Variants in TMIGD3 observed in about 807,000 individuals in gnomAD.
TMIGD3 encodes AD026 protein (AD026).
A neutral mutation model predicts 28.1 loss-of-function variants in TMIGD3; 21 were observed. That is an observed-to-expected ratio of 0.75 (90% CI 0.53 to 1.08). The LOEUF is 1.08. TMIGD3 is among the 50% of genes least tolerant of loss of function. TMIGD3 has a pLI of 0.00. For missense variants in TMIGD3, 416 were observed against 435.6 expected (o/e 0.96, Z 0.40); for synonymous variants, 151 against 162.1 (o/e 0.93, Z 0.52).
chr1:111,500,112 G>A (rs758461041), intron 1 of TMIGD3: 3 of 1,614,142 alleles, frequency 1.9e-6, no homozygotes, highest in Non-Finnish European at 2.5e-6. Context: ...GGATGCCCAT[G>A]TACAGCACAA....
chr1:111,486,384 C>G (rs183360440), intron 4 of TMIGD3, among the ~76,000 whole-genome samples: 13 of 150,112 alleles, frequency 8.7e-5, no homozygotes, highest in African/African-American at 3.2e-4. Context: ...CTGCTTGCAA[C>G]CAAGAGTCCT....
chr1:111,542,851 C>T (rs937044426), intron 1 of TMIGD3, among the ~76,000 whole-genome samples: 1 of 152,052 alleles, frequency 6.6e-6, no homozygotes, highest in Non-Finnish European at 1.5e-5. Context: ...CATGAACCAC[C>T]ATGGCTGGCT....
rs529260800 is a variant in TMIGD3, at chr1:111,531,284, GA to G, written c.107+32561del. On this transcript the variant is annotated intron_variant, in intron 1 of 5. Coordinates refer to the TMIGD3 transcript ENST00000369717. ...CAGAGCAACACCTGTCTCCAGAAAAGAAAAAAAAAAAAACCCAAAACATTAT... is the reference window on the plus strand; with the variant it reads ...CAGAGCAACACCTGTCTCCAGAAAAGAAAAAAAAAAAACCCAAAACATTAT... 4.7e-3 allele frequency among the ~76,000 whole-genome samples: 613 copies of G among 130,058 alleles called. 2 individuals carry two copies. The highest frequency in any genetic ancestry group is 0.013 in the African/African-American group (451 of 35,380). The allele number at this position is 130,058 out of a possible 152,430, so 85.3% of individuals were successfully genotyped here.
chr1:111,503,771 A>G (rs1557825852), upstream of TMIGD3: 10 of 1,021,760 alleles, frequency 9.8e-6, no homozygotes, highest in Non-Finnish European at 1.2e-5. Flanking sequence ...ATGGGCCAAG[A>G]GGAAGTACAG....
intron 1 of TMIGD3, among the ~76,000 whole-genome samples, chr1:111,527,410 T>G (rs1656305192): frequency 6.6e-6 from 1 of 152,270 alleles, no homozygotes; most frequent in Non-Finnish European, 1.5e-5. Flanking sequence ...ATTCACCTAC[T>G]GTAAAACATC....
chr1:111,484,792 G>T (rs992119803), intron 5 of TMIGD3, among the ~76,000 whole-genome samples: 2 of 152,236 alleles, frequency 1.3e-5, no homozygotes, highest in Non-Finnish European at 2.9e-5. Context: ...AAGGGAGGTT[G>T]CAGTCTGTTT....
intron 1 of TMIGD3, among the ~76,000 whole-genome samples, chr1:111,524,028 C>CTT (rs35046603): frequency 5.7e-4 from 62 of 108,800 alleles, no homozygotes; most frequent in African/African-American, 1.9e-3. Flanking sequence ...TCTTTCTTTT[C>CTT]TTTTTTTTTT....
chr1:111,510,099 G>A (rs1655640258), intron 1 of TMIGD3, among the ~76,000 whole-genome samples: 1 of 152,190 alleles, frequency 6.6e-6, no homozygotes, highest in African/African-American at 2.4e-5. Context: ...GCCAGATATT[G>A]AAGGCTGTGC....
At chr1:111,497,657 A>C (rs532013095) in intron 1 of TMIGD3, among the ~76,000 whole-genome samples, 1 of 152,044 alleles carries the variant, frequency 6.6e-6, no homozygotes, top group Non-Finnish European at 1.5e-5. Context: ...AAAAGAAAAA[A>C]AGAGAGAGAG....
chr1:111,502,492 A>G (rs1655291565), intron 1 of TMIGD3, among the ~76,000 whole-genome samples: 1 of 141,208 alleles, frequency 7.1e-6, no homozygotes, highest in African/African-American at 2.6e-5. Context: ...ATATATATAT[A>G]TTGGAATATA....
intron 1 of TMIGD3, among the ~76,000 whole-genome samples, chr1:111,517,212 G>A (rs1479834607): frequency 6.6e-6 from 1 of 152,184 alleles, no homozygotes; most frequent in African/African-American, 2.4e-5. Context: ...TGGAGAGACT[G>A]AGTCCATATC....
At chr1:111,543,712 GGGAGGAGAAAGA>G (rs1656932744) in intron 1 of TMIGD3, among the ~76,000 whole-genome samples, 1 of 151,770 alleles carries the variant, frequency 6.6e-6, no homozygotes, top group South Asian at 2.1e-4. Flanking sequence ...GGAGAAGAGA[GGGAGGAGAAAGA>G]GGAGGAGGAA....
chr1:111,535,928 G>A (rs1656625167), intron 1 of TMIGD3, among the ~76,000 whole-genome samples: 1 of 152,190 alleles, frequency 6.6e-6, no homozygotes, highest in South Asian at 2.1e-4. Context: ...TTTCCTGCAA[G>A]CATATTTGAA....
At chr1:111,494,021 A>G (rs1395582438) in intron 1 of TMIGD3, among the ~76,000 whole-genome samples, 1 of 152,238 alleles carries the variant, frequency 6.6e-6, no homozygotes, top group East Asian at 1.9e-4. Context: ...CAAGTGGACT[A>G]TGGCCACACC....
intron 1 of TMIGD3, among the ~76,000 whole-genome samples, chr1:111,508,832 C>T (rs988357849): frequency 1.3e-5 from 2 of 152,220 alleles, no homozygotes; most frequent in Admixed American, 6.5e-5. Flanking sequence ...CGCGGTGGCT[C>T]ATGCCTGTAA....
At chr1:111,497,419 C>T (rs917904063) in intron 1 of TMIGD3, among the ~76,000 whole-genome samples, 1 of 152,186 alleles carries the variant, frequency 6.6e-6, no homozygotes, top group South Asian at 2.1e-4. Flanking sequence ...TCCTGTAACA[C>T]TAATCTCTAA....
At chr1:111,496,461 A>C (rs145795810) in intron 1 of TMIGD3, among the ~76,000 whole-genome samples, 2 of 152,238 alleles carry the variant, frequency 1.3e-5, no homozygotes, top group Non-Finnish European at 2.9e-5. Context: ...GGATTCCTAC[A>C]TAAAGCAAAC....
upstream of TMIGD3, among the ~76,000 whole-genome samples, chr1:111,506,666 G>C (rs904816288): frequency 3.3e-5 from 5 of 152,206 alleles, no homozygotes; most frequent in African/African-American, 1.2e-4. Flanking sequence ...AAAATCAGTA[G>C]AGATCAGTAT....
chr1:111,497,172 A>G (rs1432122237), intron 1 of TMIGD3, among the ~76,000 whole-genome samples: 6 of 152,082 alleles, frequency 3.9e-5, no homozygotes, highest in South Asian at 2.1e-4. Flanking sequence ...GTGCAGTGGC[A>G]CGATCTCGGC....
Sources: gnomAD v4.1 joint callset for allele counts (sites outside exome capture counted in the v4.1 genomes callset) on GRCh38, gnomAD v4.1.1 for gene constraint, MANE v1.5 for transcripts, NCBI Gene and HGNC (gene_info 2026-07-23, HGNC 2026-07-21) for gene names.